The following RHOT1 variants were observed in gnomAD, a reference collection of about 807,000 sequenced individuals.
The protein encoded by RHOT1 is ras homolog family member T1, also known as mitochondrial Rho GTPase 1.
A neutral mutation model predicts 95.3 loss-of-function variants in RHOT1; 27 were observed. That is an observed-to-expected ratio of 0.28 (90% CI 0.21 to 0.39). RHOT1 has a LOEUF of 0.39. Ranked by LOEUF, RHOT1 falls within the 10% of genes least tolerant of loss-of-function variation. The probability of loss-of-function intolerance (pLI) is 1.00; values close to 1 mark genes in which losing one functional copy is unlikely to be tolerated. For synonymous variants in RHOT1, 227 were observed against 263.5 expected (o/e 0.86, Z 1.34); for missense variants, 578 against 786.7 (o/e 0.73, Z 3.17).
intron 8 of RHOT1, among the ~76,000 whole-genome samples, chr17:32,183,685 T>C (rs1411867154): frequency 6.6e-6 from 1 of 152,232 alleles, no homozygotes; most frequent in Non-Finnish European, 1.5e-5. Context: ...TTGTTTTTGT[T>C]TTTTTTCTTT....
chr17:32,192,552 G>A (rs562246165), intron 9 of RHOT1, among the ~76,000 whole-genome samples: 1 of 151,744 alleles, frequency 6.6e-6, no homozygotes, highest in Admixed American at 6.6e-5. Flanking sequence ...TCTGAACTCT[G>A]AATCATTTTG....
intron 1 of RHOT1, among the ~76,000 whole-genome samples, chr17:32,170,014 A>G (rs2034446771): frequency 7.0e-6 from 1 of 143,246 alleles, no homozygotes. Flanking sequence ...ACCCTGAATC[A>G]AAAAAAAAAA....
intron 1 of RHOT1, chr17:32,151,183 C>G (rs1400853771): frequency 1.3e-6 from 1 of 769,692 alleles, no homozygotes; most frequent in African/African-American, 1.7e-5. Flanking sequence ...CTAGTTTCTC[C>G]TGAAGATTTC....
At chr17:32,157,227 A>G (rs1413075514) in intron 1 of RHOT1, among the ~76,000 whole-genome samples, 1 of 152,194 alleles carries the variant, frequency 6.6e-6, no homozygotes, top group Non-Finnish European at 1.5e-5. Context: ...AATCATCCGC[A>G]TTCCTGAGTT....
chr17:32,151,223 G>C, intron 1 of RHOT1: 1 of 742,930 alleles, frequency 1.3e-6, no homozygotes, highest in Non-Finnish European at 2.5e-6. Context: ...GCTAAACAGA[G>C]CTTCTAGTTC....
At chr17:32,211,323 C>T (rs550720760) in intron 19 of RHOT1, 85 bp downstream of exon 19, 4 of 1,277,540 alleles carry the variant, frequency 3.1e-6, no homozygotes, top group Admixed American at 2.6e-5. Context: ...TACAGATACT[C>T]ACTACAAAGA....
intron 1 of RHOT1, among the ~76,000 whole-genome samples, chr17:32,144,775 G>A (rs554114352): frequency 2.7e-4 from 40 of 149,144 alleles, no homozygotes; most frequent in South Asian, 1.9e-3. Context: ...TTGCTTGAAC[G>A]CAGGAGTTTG....
At chr17:32,174,563 C>T (rs959284954) in intron 3 of RHOT1, among the ~76,000 whole-genome samples, 1 of 152,154 alleles carries the variant, frequency 6.6e-6, no homozygotes, top group Non-Finnish European at 1.5e-5. Context: ...CCATTGATTA[C>T]TTAACATATG....
chr17:32,189,576 A>C (rs2036315277), intron 8 of RHOT1, among the ~76,000 whole-genome samples: 1 of 152,078 alleles, frequency 6.6e-6, no homozygotes, highest in South Asian at 2.1e-4. Context: ...ACAAGAGTAA[A>C]ATATCTACCA....
At chr17:32,221,764 A>G (rs2038850134) in intron 19 of RHOT1, among the ~76,000 whole-genome samples, 1 of 152,240 alleles carries the variant, frequency 6.6e-6, no homozygotes, top group Non-Finnish European at 1.5e-5. Flanking sequence ...TTGATCTTGA[A>G]ATGCAAAAGA....
chr17:32,209,242 G>T, intron 18 of RHOT1: 1 of 522,382 alleles, frequency 1.9e-6, no homozygotes, highest in South Asian at 4.2e-5. Flanking sequence ...ACAAACCCTT[G>T]AATTTCTATT....
intron 6 of RHOT1, among the ~76,000 whole-genome samples, chr17:32,177,294 C>T (rs117826799): frequency 0.016 from 2,480 of 152,252 alleles, 33 homozygotes; most frequent in Non-Finnish European, 0.029. Context: ...TGCTCATAGC[C>T]ACATGTGACT....
chr17:32,208,060 AT>A (rs2037877382), intron 17 of RHOT1, 46 bp from the exon 18 acceptor site: 1 of 1,525,130 alleles, frequency 6.6e-7, no homozygotes, highest in African/African-American at 1.4e-5. Context: ...TTAAATAGTA[AT>A]TTTTGAACTT....
chr17:32,199,165 G>A (rs531454516), intron 12 of RHOT1, 134 bp downstream of exon 12: 15 of 775,932 alleles, frequency 1.9e-5, no homozygotes, highest in African/African-American at 1.8e-4. Flanking sequence ...AGTTAAATTC[G>A]CAAAAATATT....
At chr17:32,189,081 T>C (rs7209878) in intron 8 of RHOT1, among the ~76,000 whole-genome samples, 6,875 of 152,220 alleles carry the variant, frequency 0.045, 528 homozygotes, top group African/African-American at 0.16. Flanking sequence ...GGGTGGATCA[T>C]GAGGTAGGAT....
intron 8 of RHOT1, among the ~76,000 whole-genome samples, chr17:32,190,729 G>T (rs954089498): frequency 6.6e-6 from 1 of 151,874 alleles, no homozygotes; most frequent in Non-Finnish European, 1.5e-5. Flanking sequence ...TTATTTTAAA[G>T]AATAAATCAT....
intron 1 of RHOT1, among the ~76,000 whole-genome samples, chr17:32,156,905 A>G (rs1300384259): frequency 6.6e-6 from 1 of 152,252 alleles, no homozygotes; most frequent in Non-Finnish European, 1.5e-5. Context: ...TAAGCATTAT[A>G]TAGCTCTCAT....
Position 32,193,133 on chromosome 17 carries a change from T to C in RHOT1, c.640-3T>C. 1 of 1,571,774 alleles carries C rather than the reference T, an allele frequency of 6.4e-7. No homozygotes were observed. Among genetic ancestry groups the C allele is most frequent in the Non-Finnish European group, 8.7e-7 (1 of 1,149,418 alleles). On this transcript the variant is annotated splice_polypyrimidine_tract_variant and splice_region_variant and intron_variant, in intron 9 of 19. Transcript: ENST00000545287. ...TTAAATATATTTTTATGTTTTTTGCTAGAGGATTTGTTTCAACACTCCATT... is the reference window on the plus strand; with the variant it reads ...TTAAATATATTTTTATGTTTTTTGCCAGAGGATTTGTTTCAACACTCCATT...
intron 1 of RHOT1, among the ~76,000 whole-genome samples, chr17:32,152,902 C>G (rs1485567812): frequency 2.0e-5 from 3 of 151,770 alleles, no homozygotes; most frequent in Non-Finnish European, 4.4e-5. Flanking sequence ...TTCCTGGGCT[C>G]AGGTGATTCT....
Sources: gnomAD v4.1 joint callset for allele counts (sites outside exome capture counted in the v4.1 genomes callset) on GRCh38, gnomAD v4.1.1 for gene constraint, MANE v1.5 for transcripts, NCBI Gene and HGNC (gene_info 2026-07-23, HGNC 2026-07-21) for gene names.